Variants in DICER1 observed in about 807,000 individuals in gnomAD.
The protein encoded by DICER1 is dicer 1, ribonuclease III, also known as endoribonuclease Dicer.
DICER1 carries 43 observed loss-of-function variants against 194.1 expected under a neutral mutation model. The observed-to-expected ratio is 0.22, with a 90% confidence interval of 0.17 to 0.29. The LOEUF is 0.29. DICER1 is among the 10% of genes least tolerant of loss of function. DICER1 has a pLI of 1.00. For missense variants in DICER1, 1,608 were observed against 2,317.0 expected (o/e 0.69, Z 6.28); for synonymous variants, 832 against 820.5 (o/e 1.01, Z -0.24).
intron 4 of DICER1, among the ~76,000 whole-genome samples, chr14:95,130,597 C>T (rs577788668): frequency 5.3e-5 from 8 of 152,290 alleles, no homozygotes; most frequent in African/African-American, 1.9e-4. Context: ...TTTTTGTAGC[C>T]TATCATTATG....
intron 8 of DICER1, among the ~76,000 whole-genome samples, chr14:95,118,597 G>A (rs1047306286): frequency 2.0e-5 from 3 of 152,116 alleles, no homozygotes; most frequent in Non-Finnish European, 4.4e-5. Context: ...GCTACGGGAC[G>A]GGATCACATT....
chr14:95,153,212 G>A (rs1006882037), intron 1 of DICER1, among the ~76,000 whole-genome samples: 5 of 140,234 alleles, frequency 3.6e-5, no homozygotes, highest in African/African-American at 1.4e-4. Flanking sequence ...GTGAGACTCC[G>A]TCTCAAAAAA....
Position 95,124,738 on chromosome 14 carries a change from A to G in DICER1, c.904-70T>C. ...ATGTAGCATTTTCATGTGGGGTTTA[A>G]CTGGGATTTCAGTTGTTCTCAAATG... On this transcript the variant is annotated intron_variant, in intron 7 of 26. Coordinates refer to ENST00000343455, the MANE Select transcript of DICER1 (RefSeq NM_177438.3). The surrounding 1 kb of genome is among the most constrained non-coding windows in gnomAD (Gnocchi z 4.5). 7.6e-7 allele frequency: 1 copy of G among 1,317,380 alleles called. No homozygotes were observed. The highest frequency in any genetic ancestry group is 1.8e-5 in the Admixed American group (1 of 56,176). 81.6% of individuals were successfully genotyped at this position (1,317,380 alleles called of 1,614,324 possible).
Position 95,096,729 on chromosome 14 carries a change from A to G in DICER1, c.4207-16T>C. ...AGTCTTTTGTCTGAAACGAGGGGGA[A>G]TGGGGAAGGAGGGGAAACATAGCTG... On this transcript the variant is annotated splice_polypyrimidine_tract_variant and intron_variant, in intron 22 of 26. Coordinates refer to ENST00000343455, the MANE Select transcript of DICER1 (RefSeq NM_177438.3). 2 of 1,587,224 alleles carry G rather than the reference A, an allele frequency of 1.3e-6. No individual in the cohort carries two copies. The highest frequency in any genetic ancestry group is 1.8e-5 in the Admixed American group (1 of 55,902).
Position 95,117,606 on chromosome 14 carries a change from TTTTGA to T in DICER1, c.1509+11_1509+15del, listed in dbSNP as rs781038539. On this transcript the variant is annotated intron_variant, in intron 9 of 26. Coordinates refer to ENST00000343455, the MANE Select transcript of DICER1 (RefSeq NM_177438.3). ...CCCGAAAACTGTTATTGTACACTTA[TTTTGA>T]TTTAAGTTACCTCTTCCTGTTTTCT... 28 of 1,613,842 alleles carry T rather than the reference TTTTGA, an allele frequency of 1.7e-5. No individual in the cohort carries two copies. The highest frequency in any genetic ancestry group is 1.6e-4 in the Middle Eastern group (1 of 6,082).
chr14:95,091,791 T>C (rs747008933), intron 24 of DICER1, among the ~76,000 whole-genome samples: 1 of 152,200 alleles, frequency 6.6e-6, no homozygotes, highest in Non-Finnish European at 1.5e-5. Context: ...CTGGCACGGG[T>C]GTATGCTGCT....
chr14:95,133,591 A>C, intron 1 of DICER1, 88 bp from the exon 2 acceptor site: 4 of 1,001,846 alleles, frequency 4.0e-6, no homozygotes, highest in African/African-American at 1.6e-5. Context: ...TCAGAATATC[A>C]TTCCTATGAG....
intron 21 of DICER1, among the ~76,000 whole-genome samples, chr14:95,102,253 C>G (rs1334645433): frequency 6.6e-6 from 1 of 152,206 alleles, no homozygotes; most frequent in Non-Finnish European, 1.5e-5. Flanking sequence ...ATCCCATTCT[C>G]TGCTTCTGCT....
In DICER1 at chr14:95,116,467, T is replaced by C. The variant is rs1555372824; in HGVS notation, c.1738A>G (p.Lys580Glu). 1 of 1,612,450 alleles carries C rather than the reference T, an allele frequency of 6.2e-7. No individual in the cohort carries two copies. Among genetic ancestry groups the C allele is most frequent in the Non-Finnish European group, 8.5e-7 (1 of 1,179,924 alleles). Residue 580 changes from lysine (K) to glutamate (E), a missense_variant, in exon 10 of 27, where the codon AAA becomes GAA. Coordinates refer to ENST00000343455, the MANE Select transcript of DICER1 (RefSeq NM_177438.3). ...GTTGATCTTACCTTTTCAATAGCTTTGTAGGTTTTAAGGTCTTCTTCAAAA... is the reference window on the plus strand; with the variant it reads ...GTTGATCTTACCTTTTCAATAGCTTCGTAGGTTTTAAGGTCTTCTTCAAAA... The part of the protein sequence containing the change: ...KSFEEDLKTY[K>E]AIEKILRNKC...
rs1893168392 is a variant in DICER1, at chr14:95,124,066, C to T, written c.1376+130G>A. The stretch of plus-strand genomic sequence containing the variant: ...ATCCCAGGACAGCATGACGTATCAG[C>T]AATGATGGCGCCAAGTCAAGGACAC... On this transcript the variant is annotated intron_variant, in intron 8 of 26. Transcript: ENST00000343455. The surrounding 1 kb of genome is among the most constrained non-coding windows in gnomAD (Gnocchi z 4.5). The T allele has an allele frequency of 2.9e-6, 2 of 698,788 alleles. No individual in the cohort carries two copies. Among genetic ancestry groups the T allele is most frequent in the Non-Finnish European group, 5.0e-6 (2 of 398,652 alleles). 43.3% of individuals were successfully genotyped at this position (698,788 alleles called of 1,614,324 possible). A position where few individuals can be genotyped will look rare whatever the true frequency, so the allele number is the denominator to read the frequency against.
Position 95,107,992 on chromosome 14 carries a change from A to G in DICER1, c.2538T>C (p.Ile846=), listed in dbSNP as rs1235708499. 6.2e-7 allele frequency: 1 copy of G among 1,613,406 alleles called. No individual in the cohort carries two copies. Among genetic ancestry groups the G allele is most frequent in the South Asian group, 1.1e-5 (1 of 91,062 alleles). ...AGAATATATACTGGTGAAGTCTTGT[A>G]ATCAACTCAAGCATTTGTAGAGACA... ...FMLSLQMLEL[I]TRLHQYIFSH... is the part of the protein sequence containing the mutation. The change falls in exon 16 of 27, where the codon ATT becomes ATC. Residue 846 remains isoleucine, a synonymous_variant. Coordinates refer to ENST00000343455, the MANE Select transcript of DICER1 (RefSeq NM_177438.3).
At chr14:95,119,354 C>A (rs1192285447) in intron 8 of DICER1, among the ~76,000 whole-genome samples, 2 of 152,070 alleles carry the variant, frequency 1.3e-5, no homozygotes, top group African/African-American at 2.4e-5. Context: ...TAAATAAAAT[C>A]TCTTGTAAGC....
At position 95,090,336 on chromosome 14, in the gene DICER1, AAAT is replaced by A; in HGVS notation, c.*159_*161del. 1 of 766,276 alleles carries A rather than the reference AAAT, an allele frequency of 1.3e-6. No individual in the cohort carries two copies. Among genetic ancestry groups the A allele is most frequent in the Non-Finnish European group, 2.1e-6 (1 of 474,910 alleles). 47.5% of individuals were successfully genotyped at this position (766,276 alleles called of 1,614,324 possible). On this transcript the variant is annotated 3_prime_UTR_variant, in exon 27 of 27. Transcript: ENST00000343455. ...AGTTCCAAAATTTTATACATATGTT[AAAT>A]GTTTTATTCTGTTATCTATCCTGTT... is the stretch of plus-strand genomic sequence containing the variant.
chr14:95,086,363 T>A lies in DICER1; in HGVS notation c.*4135A>T, dbSNP rs895962647. ...ATTACTGTATGAATGAATGACATCA[T>A]GTTCCTTAAAAAACAGCTGCAGCAT... On this transcript the variant is annotated 3_prime_UTR_variant, in exon 27 of 27. Coordinates refer to ENST00000343455, the MANE Select transcript of DICER1 (RefSeq NM_177438.3). The A allele has an allele frequency of 8.6e-6, 2 of 232,984 alleles. No homozygotes were observed. The highest frequency in any genetic ancestry group is 4.4e-5 in the African/African-American group (2 of 45,350). 14.4% of individuals were successfully genotyped at this position (232,984 alleles called of 1,614,324 possible).
chr14:95,154,923 C>A (rs1595518949), intron 1 of DICER1, among the ~76,000 whole-genome samples: 1 of 150,408 alleles, frequency 6.6e-6, no homozygotes, highest in African/African-American at 2.5e-5. Flanking sequence ...TTCACCTGAA[C>A]ATTTAAGGTT....
chr14:95,091,509 T>C lies in DICER1; in HGVS notation c.5365-144A>G, dbSNP rs777566989. Reference sequence around the variant, plus strand: ...ACCATTTATGGTATGCCTACTATATTGTAATAGTAAAACAAATGTTATATT... The same window carrying C: ...ACCATTTATGGTATGCCTACTATATCGTAATAGTAAAACAAATGTTATATT... On this transcript the variant is annotated intron_variant, in intron 24 of 26. Transcript: ENST00000343455. 5.3e-6 allele frequency: 4 copies of C among 750,078 alleles called. No individual in the cohort carries two copies. In the Admixed American group the frequency reaches 9.9e-5, roughly 19 times the overall value. The allele number at this position is 750,078 out of a possible 1,614,324, so 46.5% of individuals were successfully genotyped here.
In DICER1 at chr14:95,086,400, TATTTTATTGTC is replaced by T. The variant is rs1312709731; in HGVS notation, c.*4087_*4097del. 1 of 233,184 alleles carries T rather than the reference TATTTTATTGTC, an allele frequency of 4.3e-6. No homozygotes were observed. Among genetic ancestry groups the T allele is most frequent in the Admixed American group, 5.6e-5 (1 of 17,790 alleles). The allele number at this position is 233,184 out of a possible 1,614,324, so 14.4% of individuals were successfully genotyped here. A position where few individuals can be genotyped will look rare whatever the true frequency, so the allele number is the denominator to read the frequency against. ...AACAGCTGCAGCATGTGATGGTAAA[TATTTTATTGTC>T]AATCAAATAATATGCATTAGTTTTA... On this transcript the variant is annotated 3_prime_UTR_variant, in exon 27 of 27. Transcript: ENST00000343455.
chr14:95,100,895 G>A (rs143451497), intron 21 of DICER1, among the ~76,000 whole-genome samples: 2 of 152,330 alleles, frequency 1.3e-5, no homozygotes, highest in East Asian at 1.9e-4. Context: ...GAGGGTACGT[G>A]TGACCACTAT....
chr14:95,131,513 T>C lies in DICER1; in HGVS notation c.434A>G (p.His145Arg), dbSNP rs747179239. 1 of 1,613,598 alleles carries C rather than the reference T, an allele frequency of 6.2e-7. No homozygotes were observed. Among genetic ancestry groups the C allele is most frequent in the Non-Finnish European group, 8.5e-7 (1 of 1,179,496 alleles). ...AAATTTCTCTACAAGTCTTACCTGG[T>C]GCTTAGTAAACTCTTGGTTCCATCT... is the stretch of plus-strand genomic sequence containing the variant. ...KERWNQEFTK[H>R]QVLIMTCYVA... is the part of the protein sequence containing the mutation. The change falls in exon 4 of 27, where the codon CAC becomes CGC. Residue 145 changes from histidine to arginine, a missense_variant. Transcript: ENST00000343455.
Sources: allele counts gnomAD v4.1 joint callset (sites outside exome capture counted in the v4.1 genomes callset), GRCh38; gene constraint gnomAD v4.1.1; non-coding constraint Gnocchi (gnomAD v3.1); transcripts MANE v1.5; gene names NCBI Gene and HGNC (gene_info 2026-07-23, HGNC 2026-07-21).